UST: variants seen among roughly 807,000 people sequenced by gnomAD.
The protein encoded by UST is uronyl 2-sulfotransferase.
In UST, 21 loss-of-function variants were observed where a neutral mutation model predicts 45.6. The ratio of observed to expected loss-of-function variants is 0.46; its 90% confidence interval spans 0.33 to 0.66. UST has a LOEUF of 0.66. Among genes scored for constraint, UST ranks in the 30% least tolerant of loss-of-function variants. The probability of loss-of-function intolerance (pLI) is 0.02; values close to 1 mark genes in which losing one functional copy is unlikely to be tolerated. For synonymous variants in UST, 215 were observed against 200.6 expected (o/e 1.07, Z -0.61); for missense variants, 463 against 512.4 (o/e 0.90, Z 0.93).
chr6:148,890,867 A>T (rs567645683), intron 2 of UST, among the ~76,000 whole-genome samples: 1 of 152,366 alleles, frequency 6.6e-6, no homozygotes, highest in South Asian at 2.1e-4. Context: ...AGGTTAGAGC[A>T]CTGACTAAGA....
intron 1 of UST, among the ~76,000 whole-genome samples, chr6:148,803,428 A>T (rs1420422928): frequency 6.6e-6 from 1 of 152,182 alleles, no homozygotes; most frequent in Admixed American, 6.5e-5. Flanking sequence ...TACATAATCT[A>T]TCATTAGTCC....
chr6:148,782,973 A>C lies in UST; in HGVS notation c.247+35296A>C, dbSNP rs534164054. Among the ~76,000 whole-genome samples, 4 of 152,338 alleles carry C rather than the reference A, an allele frequency of 2.6e-5. No homozygotes were observed. In the East Asian group the frequency reaches 7.7e-4, roughly 29 times the overall value. ...TCAAACCACATCATATGCTATGGAG[A>C]TCTTTCGTGAAAAGAAGAGTACATC... On this transcript the variant is annotated intron_variant, in intron 1 of 7. Transcript: ENST00000367463.
intron 1 of UST, among the ~76,000 whole-genome samples, chr6:148,799,487 C>T (rs1035363114): frequency 2.0e-5 from 3 of 152,042 alleles, no homozygotes; most frequent in Non-Finnish European, 4.4e-5. Flanking sequence ...TGGTGGTTCC[C>T]GGCAACTGAG....
intron 1 of UST, among the ~76,000 whole-genome samples, chr6:148,830,290 C>T (rs1299449836): frequency 6.6e-6 from 1 of 152,188 alleles, no homozygotes; most frequent in Non-Finnish European, 1.5e-5. Context: ...TGCATGCATT[C>T]AAAAACTGTA....
intron 4 of UST, among the ~76,000 whole-genome samples, chr6:148,956,494 T>C (rs1318226315): frequency 6.6e-6 from 1 of 152,124 alleles, no homozygotes; most frequent in Non-Finnish European, 1.5e-5. Flanking sequence ...ATTCAAATTA[T>C]CTCCCATCAG....
intron 1 of UST, among the ~76,000 whole-genome samples, chr6:148,855,550 G>A (rs1477721098): frequency 3.3e-5 from 5 of 152,204 alleles, no homozygotes; most frequent in Non-Finnish European, 7.3e-5. Flanking sequence ...GAGGCTGAAA[G>A]CCAGATAACT....
chr6:148,996,742 C>T (rs1344369367), intron 5 of UST, among the ~76,000 whole-genome samples: 1 of 152,142 alleles, frequency 6.6e-6, no homozygotes, highest in Non-Finnish European at 1.5e-5. Context: ...AGTAGTTCTT[C>T]ATTTCAGTAC....
intron 5 of UST, among the ~76,000 whole-genome samples, chr6:149,006,065 C>G (rs1342983666): frequency 6.6e-6 from 1 of 152,204 alleles, no homozygotes; most frequent in African/African-American, 2.4e-5. Context: ...GCGTTTCTTG[C>G]ACTCATCCTA....
At chr6:149,016,143 T>C (rs1225807842) in intron 5 of UST, among the ~76,000 whole-genome samples, 1 of 152,214 alleles carries the variant, frequency 6.6e-6, no homozygotes, top group Non-Finnish European at 1.5e-5. Context: ...TTGTGATGAA[T>C]GCCGTTCATC....
intron 7 of UST, among the ~76,000 whole-genome samples, chr6:149,069,654 G>C (rs936406505): frequency 2.0e-5 from 3 of 152,208 alleles, no homozygotes; most frequent in Non-Finnish European, 4.4e-5. Flanking sequence ...TCAGGGAAGA[G>C]AGTTTTATTG....
chr6:148,835,402 A>G (rs150279262), intron 1 of UST, among the ~76,000 whole-genome samples: 1 of 152,268 alleles, frequency 6.6e-6, no homozygotes, highest in East Asian at 1.9e-4. Context: ...AAGGTGGTCA[A>G]CAGTCTATTT....
intron 1 of UST, among the ~76,000 whole-genome samples, chr6:148,863,797 C>T (rs895555660): frequency 2.6e-5 from 4 of 152,212 alleles, no homozygotes; most frequent in Non-Finnish European, 5.9e-5. Context: ...TGGGTATCAC[C>T]ATCGGAGGCT....
rs1390310647 is a variant in UST, at chr6:148,747,263, C to T, written c.-168C>T. ...CGGGCCGCGGCGGCGGGGACCATGC[C>T]GAAGAAAGTCTCCTGAGCCCGGCAA... On this transcript the variant is annotated 5_prime_UTR_variant, in exon 1 of 8. Coordinates refer to ENST00000367463, the MANE Select transcript of UST (RefSeq NM_005715.3). 1.3e-6 allele frequency: 1 copy of T among 765,650 alleles called. No homozygotes were observed. Among genetic ancestry groups the T allele is most frequent in the African/African-American group, 1.8e-5 (1 of 55,316 alleles). 47.4% of individuals were successfully genotyped at this position (765,650 alleles called of 1,614,324 possible).
intron 1 of UST, among the ~76,000 whole-genome samples, chr6:148,846,808 C>T (rs1778001225): frequency 6.6e-6 from 1 of 152,234 alleles, no homozygotes; most frequent in African/African-American, 2.4e-5. Context: ...CAGTGACAAT[C>T]TGGAAACCTA....
intron 5 of UST, among the ~76,000 whole-genome samples, chr6:149,003,439 C>T (rs1280482744): frequency 7.7e-6 from 1 of 129,230 alleles, no homozygotes; most frequent in South Asian, 2.6e-4. Flanking sequence ...TGGTAAAAAA[C>T]AAAACAAAAA....
chr6:148,878,183 A>T (rs1454755584), intron 1 of UST, among the ~76,000 whole-genome samples: 2 of 62,944 alleles, frequency 3.2e-5, no homozygotes, highest in Non-Finnish European at 6.0e-5. Context: ...TGTACGAGTG[A>T]GGAGATCATG....
intron 1 of UST, among the ~76,000 whole-genome samples, chr6:148,756,172 C>T (rs545769960): frequency 1.3e-5 from 2 of 152,202 alleles, no homozygotes; most frequent in Non-Finnish European, 2.9e-5. Context: ...CATGTCCCTA[C>T]AAAGGACATG....
At chr6:148,873,009 T>A (rs960655966) in intron 1 of UST, among the ~76,000 whole-genome samples, 2 of 152,172 alleles carry the variant, frequency 1.3e-5, no homozygotes, top group Non-Finnish European at 2.9e-5. Context: ...AGGACAACTT[T>A]GGGGGAATCA....
chr6:149,033,254 C>G (rs894292799), intron 7 of UST, among the ~76,000 whole-genome samples: 14 of 152,208 alleles, frequency 9.2e-5, no homozygotes, highest in Admixed American at 6.5e-4. Flanking sequence ...GGCCTTAGCT[C>G]TCTGACATTC....
Sources: allele counts gnomAD v4.1 joint callset (sites outside exome capture counted in the v4.1 genomes callset), GRCh38; gene constraint gnomAD v4.1.1; transcripts MANE v1.5; gene names NCBI Gene and HGNC (gene_info 2026-07-23, HGNC 2026-07-21).